Variants in ENPP3 observed in about 807,000 individuals in gnomAD.
ENPP3 encodes ectonucleotide pyrophosphatase/phosphodiesterase family member 3.
In ENPP3, 104 loss-of-function variants were observed where a neutral mutation model predicts 117.8. The observed-to-expected ratio is 0.88, with a 90% CI of 0.75 to 1.04. The LOEUF is 1.04. ENPP3 is among the 50% of genes least tolerant of loss of function. The pLI is 0.00. For missense variants in ENPP3, 1,026 were observed against 1,051.9 expected, an observed-to-expected ratio of 0.98 and a Z score of 0.34; for synonymous variants, 380 against 349.9, an observed-to-expected ratio of 1.09 and a Z score of -0.96.
intron 18 of ENPP3, among the ~76,000 whole-genome samples, chr6:131,723,825 T>A (rs867561240): frequency 9.9e-5 from 14 of 140,772 alleles, no homozygotes; most frequent in African/African-American, 3.0e-4. Context: ...TCTCTCTCTC[T>A]CTCACACACA....
intron 2 of ENPP3, among the ~76,000 whole-genome samples, chr6:131,644,470 A>T (rs1195814716): frequency 1.3e-5 from 2 of 152,154 alleles, no homozygotes; most frequent in Admixed American, 6.6e-5. Flanking sequence ...ATCTATTTTG[A>T]TGGGGTAGAT....
intron 19 of ENPP3, among the ~76,000 whole-genome samples, chr6:131,724,322 T>C (rs1344789922): frequency 1.3e-5 from 2 of 151,718 alleles, no homozygotes; most frequent in Admixed American, 1.3e-4. Context: ...TTGAAGAGGT[T>C]GTGACTCATC....
At chr6:131,729,474 T>C (rs1055946469) in intron 20 of ENPP3, among the ~76,000 whole-genome samples, 3 of 152,208 alleles carry the variant, frequency 2.0e-5, no homozygotes, top group African/African-American at 7.2e-5. Flanking sequence ...CTCACGTTCC[T>C]GTCTATACTC....
intron 20 of ENPP3, among the ~76,000 whole-genome samples, chr6:131,730,085 A>C (rs1585727776): frequency 6.6e-6 from 1 of 152,208 alleles, no homozygotes; most frequent in African/African-American, 2.4e-5. Context: ...TCCTTACATT[A>C]TGGAAAATGC....
rs1394341057 is a variant in ENPP3, at chr6:131,669,630, T to G, written c.563-1618T>G. On this transcript the variant is annotated intron_variant, in intron 6 of 24. Transcript: ENST00000357639. ...GAGATCACGCCACTGCACTCTAGCC[T>G]GGGTGACAGAGCGAGACTCCATCTC... is the stretch of plus-strand genomic sequence containing the variant. 3.2e-5 allele frequency among the ~76,000 whole-genome samples: 4 copies of G among 123,532 alleles called. No individual in the cohort carries two copies. In the Admixed American group the frequency reaches 3.3e-4, roughly 10 times the overall value. 81.0% of individuals were successfully genotyped at this position (123,532 alleles called of 152,430 possible).
chr6:131,702,436 T>A (rs911085726), intron 15 of ENPP3, among the ~76,000 whole-genome samples: 9 of 152,156 alleles, frequency 5.9e-5, no homozygotes, highest in African/African-American at 1.2e-4. Context: ...TTTTTGTTAT[T>A]TACTTTCCCA....
intron 16 of ENPP3, among the ~76,000 whole-genome samples, chr6:131,719,882 T>A (rs1269813856): frequency 6.6e-6 from 1 of 152,176 alleles, no homozygotes; most frequent in Admixed American, 6.5e-5. Context: ...ACATTTTGTG[T>A]CATGTTAACA....
At chr6:131,699,071 C>A (rs867533956) in intron 15 of ENPP3, among the ~76,000 whole-genome samples, 24 of 142,608 alleles carry the variant, frequency 1.7e-4, no homozygotes, top group African/African-American at 5.7e-4. Flanking sequence ...AAAATACAAA[C>A]CCTGTCTCTA....
chr6:131,732,709 A>G (rs1038018944), intron 20 of ENPP3, among the ~76,000 whole-genome samples: 3 of 108,336 alleles, frequency 2.8e-5, no homozygotes, highest in Admixed American at 1.0e-4. Context: ...CTGGCCTAAG[A>G]CATTATTATT....
rs371223538 is a variant in ENPP3, at chr6:131,667,884, CCTT to C, written c.563-3357_563-3355del. Among the ~76,000 whole-genome samples the C allele has an allele frequency of 3.0e-3, 453 of 152,202 alleles. 1 individual carries two copies. The highest frequency in any genetic ancestry group is 9.7e-3 in the African/African-American group (402 of 41,528). ...TCACTCCTCTTTGCTCTCTTTTGACCCTTCTTCTTTATGTGCCAAGGGATTGAA... is the reference window on the plus strand; with the variant it reads ...TCACTCCTCTTTGCTCTCTTTTGACCCTTCTTTATGTGCCAAGGGATTGAA... On this transcript the variant is annotated intron_variant, in intron 6 of 24. Transcript: ENST00000357639.
In ENPP3 at chr6:131,724,046, C is replaced by T; in HGVS notation, c.1753C>T (p.Gln585Ter). The T allele has an allele frequency of 6.2e-7, 1 of 1,610,962 alleles. No homozygotes were observed. The highest frequency in any genetic ancestry group is 1.1e-5 in the South Asian group (1 of 90,956). The change falls in exon 19 of 25, where the codon CAG (glutamine) becomes TAG (stop). Residue 585 changes from glutamine (Q) to a stop codon, truncating the protein, a stop_gained. Coordinates refer to ENST00000357639, the MANE Select transcript of ENPP3 (RefSeq NM_005021.5). LOFTEE classifies it high-confidence loss of function. ...CFCPHLQNST[Q>*]LEQVNQMLNL... is the part of the protein sequence containing the mutation. Reference sequence around the variant, plus strand: ...ATCCCTCATTATCTTGCAGAGTACTCAGCTGGAACAAGTGAATCAGATGCT... The same window carrying T: ...ATCCCTCATTATCTTGCAGAGTACTTAGCTGGAACAAGTGAATCAGATGCT...
chr6:131,740,355 G>T lies in ENPP3; in HGVS notation c.2432G>T (p.Arg811Leu), dbSNP rs373257029. ...LDVLPFIIPH[R>L]PTNVESCPEG... is the part of the protein sequence containing the mutation. Reference sequence around the variant, plus strand: ...GTCCTACCCTTTATCATCCCTCACCGACCTACCAACGTGGAGAGCTGTCCT... The same window carrying T: ...GTCCTACCCTTTATCATCCCTCACCTACCTACCAACGTGGAGAGCTGTCCT... Residue 811 changes from arginine to leucine, a missense_variant, in exon 24 of 25, where the codon CGA (arginine) becomes CTA (leucine). By Grantham distance (102) the Arg-to-Leu change is moderately radical. Transcript: ENST00000357639. 1.9e-6 allele frequency: 3 copies of T among 1,610,350 alleles called. No individual in the cohort carries two copies. The African/African-American group carries it at 4.0e-5, about 22-fold the overall frequency.
chr6:131,736,492 G>A (rs1024549116), intron 21 of ENPP3, among the ~76,000 whole-genome samples: 1 of 152,030 alleles, frequency 6.6e-6, no homozygotes, highest in African/African-American at 2.4e-5. Flanking sequence ...TCACTATCAC[G>A]TGAACGGCAT....
At chr6:131,641,308 G>T (rs950131859) in intron 1 of ENPP3, 147 bp from the exon 2 acceptor site, 28 of 465,560 alleles carry the variant, frequency 6.0e-5, no homozygotes, top group Non-Finnish European at 9.0e-5. Context: ...CTCCAGTTAG[G>T]CCAGATACTA....
At chr6:131,724,239 A>AAAAAAAAAAAAAAAAAT (rs1936217971) in intron 19 of ENPP3, 148 bp downstream of exon 19, 1 of 585,490 alleles carries the variant, frequency 1.7e-6, no homozygotes, top group East Asian at 2.8e-5. Flanking sequence ...AAAAAAAAAA[A>AAAAAAAAAAAAAAAAAT]CTCACAACAG....
chr6:131,670,689 C>G (rs1778720616), intron 6 of ENPP3, among the ~76,000 whole-genome samples: 1 of 152,012 alleles, frequency 6.6e-6, no homozygotes, highest in Admixed American at 6.6e-5. Context: ...AATGGGGTTT[C>G]ATTGTGTTGC....
chr6:131,724,642 T>C (rs1305281065), intron 19 of ENPP3, among the ~76,000 whole-genome samples: 1 of 152,236 alleles, frequency 6.6e-6, no homozygotes, highest in African/African-American at 2.4e-5. Flanking sequence ...ACCTACTTTA[T>C]ACAGTTGCTG....
rs1002227882 is a variant in ENPP3 at position 131,747,006 on chromosome 6, C to T, written c.*50C>T. The stretch of plus-strand genomic sequence containing the variant: ...AATTTACTGTATAAAGTAATTTTGG[C>T]AAAATATAAGTGATTTTTTTCTGGA... On this transcript the variant is annotated 3_prime_UTR_variant, in exon 25 of 25. Transcript: ENST00000357639. 8.7e-6 allele frequency: 9 copies of T among 1,036,354 alleles called. No homozygotes were observed. The African/African-American group carries it at 1.4e-4, about 16-fold the overall frequency. The allele number at this position is 1,036,354 out of a possible 1,614,324, so 64.2% of individuals were successfully genotyped here. A position where few individuals can be genotyped will look rare whatever the true frequency, so the allele number is the denominator to read the frequency against.
intron 15 of ENPP3, among the ~76,000 whole-genome samples, chr6:131,694,221 C>A (rs1259201783): frequency 6.6e-6 from 1 of 152,216 alleles, no homozygotes; most frequent in East Asian, 1.9e-4. Context: ...TTATGACTCA[C>A]TCCATCTTAA....
Sources: allele counts gnomAD v4.1 joint callset (sites outside exome capture counted in the v4.1 genomes callset), GRCh38; gene constraint gnomAD v4.1.1; transcripts MANE v1.5; gene names NCBI Gene and HGNC (gene_info 2026-07-23, HGNC 2026-07-21).